CTNND1: variants seen among roughly 807,000 people sequenced by gnomAD.
CTNND1 encodes the protein catenin delta 1, also known as catenin delta-1.
CTNND1 carries 16 observed loss-of-function variants against 112.1 expected under a neutral mutation model. The observed-to-expected ratio is 0.14, with a 90% CI of 0.10 to 0.22. CTNND1 has a LOEUF of 0.22. CTNND1 is among the 10% of genes least tolerant of loss of function. The pLI, the probability that CTNND1 is intolerant of heterozygous loss-of-function variation, is 1.00. For synonymous variants in CTNND1, 420 were observed against 446.5 expected (o/e 0.94, Z 0.75); for missense variants, 1,008 against 1,257.0 (o/e 0.80, Z 3.00).
intron 6 of CTNND1, 73 bp from the exon 7 acceptor site, chr11:57,801,660 G>A: frequency 8.1e-7 from 1 of 1,237,514 alleles, no homozygotes; most frequent in Admixed American, 2.0e-5. Flanking sequence ...TTGCAGATGA[G>A]GGTAATGGGA....
intron 1 of CTNND1, among the ~76,000 whole-genome samples, chr11:57,775,529 G>A (rs1180959089): frequency 6.6e-6 from 1 of 152,158 alleles, no homozygotes; most frequent in Non-Finnish European, 1.5e-5. Context: ...TGGTATGGAG[G>A]ACTCGCCTAT....
chr11:57,762,647 G>A (rs1043717323), intron 1 of CTNND1, among the ~76,000 whole-genome samples: 3 of 152,158 alleles, frequency 2.0e-5, no homozygotes, highest in African/African-American at 7.2e-5. Context: ...GTTCCTGGGT[G>A]GATCCCTCTT....
intron 1 of CTNND1, among the ~76,000 whole-genome samples, chr11:57,762,809 A>C (rs2135796255): frequency 6.6e-6 from 1 of 152,264 alleles, no homozygotes; most frequent in South Asian, 2.1e-4. Flanking sequence ...AGATTTGTGG[A>C]GGTGTTTGTT....
At chr11:57,799,059 C>T (rs985330772) in intron 6 of CTNND1, among the ~76,000 whole-genome samples, 2 of 152,120 alleles carry the variant, frequency 1.3e-5, no homozygotes, top group Non-Finnish European at 2.9e-5. Context: ...GCTCATTTTC[C>T]TCATATATTA....
chr11:57,772,413 T>C (rs1952911789), intron 1 of CTNND1, among the ~76,000 whole-genome samples: 2 of 152,188 alleles, frequency 1.3e-5, no homozygotes, highest in Admixed American at 1.3e-4. Flanking sequence ...CTGCTGCTTC[T>C]CCTTTTGCTC....
rs781016455 is a variant in CTNND1, at chr11:57,808,333, A to G, written c.2091+41A>G. The G allele has an allele frequency of 1.3e-5, 20 of 1,599,342 alleles. No individual in the cohort carries two copies. In the South Asian group the frequency reaches 2.1e-4, roughly 17 times the overall value. On this transcript the variant is annotated intron_variant, in intron 13 of 20. Transcript: ENST00000399050. The stretch of plus-strand genomic sequence containing the variant: ...GGGATTTGGAGATGGGAAAACTTAG[A>G]TAACTAGTTTGCTGCCATTTGTAAT...
At chr11:57,812,880 T>G (rs777870410) in intron 17 of CTNND1, among the ~76,000 whole-genome samples, 2 of 152,222 alleles carry the variant, frequency 1.3e-5, no homozygotes, top group Non-Finnish European at 2.9e-5. Flanking sequence ...TATTCAGATG[T>G]GCGCATTTGG....
At chr11:57,779,157 AG>A (rs1272368346) in intron 1 of CTNND1, among the ~76,000 whole-genome samples, 1 of 152,216 alleles carries the variant, frequency 6.6e-6, no homozygotes, top group Admixed American at 6.5e-5. Context: ...AAGGGACAGA[AG>A]GAAACAGGTA....
intron 2 of CTNND1, among the ~76,000 whole-genome samples, 159 bp from the exon 3 acceptor site, chr11:57,791,226 T>G (rs2060705708): frequency 6.6e-6 from 1 of 152,246 alleles, no homozygotes; most frequent in African/African-American, 2.4e-5. Context: ...GGATTCCGCT[T>G]GAACAGACAC....
At position 57,814,186 on chromosome 11, in the gene CTNND1, A is replaced by T. The variant is rs376326184; in HGVS notation, c.2639-125A>T. The T allele has an allele frequency of 3.1e-5, 21 of 685,652 alleles. No homozygotes were observed. In the East Asian group the frequency reaches 4.1e-4, roughly 13 times the overall value. The allele number at this position is 685,652 out of a possible 1,614,324, so 42.5% of individuals were successfully genotyped here. Reference sequence around the variant, plus strand: ...AAAAATTATCCAGGCATTGTGATGCACATAGTTGGTGCTAAGTAGAAGTGT... The same window carrying T: ...AAAAATTATCCAGGCATTGTGATGCTCATAGTTGGTGCTAAGTAGAAGTGT... On this transcript the variant is annotated intron_variant, in intron 17 of 20. Coordinates refer to ENST00000399050, the MANE Select transcript of CTNND1 (RefSeq NM_001085458.2).
Position 57,794,842 on chromosome 11 carries a change from T to G in CTNND1, c.268-735T>G, listed in dbSNP as rs537742555. Among the ~76,000 whole-genome samples the G allele has an allele frequency of 1.6e-3, 214 of 135,624 alleles. No homozygotes were observed. In the Middle Eastern group the frequency reaches 0.036, roughly 23 times the overall value. 89.0% of individuals were successfully genotyped at this position (135,624 alleles called of 152,430 possible). On this transcript the variant is annotated intron_variant, in intron 4 of 20. Coordinates refer to ENST00000399050, the MANE Select transcript of CTNND1 (RefSeq NM_001085458.2). ...TGGGCACGGTGTCTCATGCCTGTAA[T>G]CCAACACTTTGGGAGGCCAAGGCAG...
Position 57,804,694 on chromosome 11 carries a change from C to A in CTNND1, c.1636C>A (p.Arg546=). Residue 546 remains arginine, a synonymous_variant, in exon 9 of 21, where the codon CGG becomes AGG. Coordinates refer to ENST00000399050, the MANE Select transcript of CTNND1 (RefSeq NM_001085458.2). ...NVSSERSEAR[R]KLRECDGLVD... is the part of the protein sequence containing the mutation. ...AAGCTCAGAGAGGAGTGAAGCTCGC[C>A]GGAAACTTCGGGAATGTGATGGTTT... 2 of 1,613,832 alleles carry A rather than the reference C, an allele frequency of 1.2e-6. No individual in the cohort carries two copies. The highest frequency in any genetic ancestry group is 1.7e-6 in the Non-Finnish European group (2 of 1,179,826).
rs1310068040 is a variant in CTNND1, at chr11:57,808,152, C to G, written c.1964-13C>G. The G allele has an allele frequency of 1.0e-5, 16 of 1,602,672 alleles. No homozygotes were observed. The highest frequency in any genetic ancestry group is 1.4e-5 in the Non-Finnish European group (16 of 1,171,072). ...TGATTAGCACCCTCTGCTTCTATTT[C>G]TCTTTTGTGCAGGCTATGAGCTCTT... is the stretch of plus-strand genomic sequence containing the variant. On this transcript the variant is annotated splice_polypyrimidine_tract_variant and intron_variant, in intron 12 of 20. Transcript: ENST00000399050.
At chr11:57,810,447 GCCTCCC>G (rs1329070297) in intron 16 of CTNND1, among the ~76,000 whole-genome samples, 23 of 151,864 alleles carry the variant, frequency 1.5e-4, no homozygotes, top group Admixed American at 1.4e-3. Context: ...TTGTGCCTCA[GCCTCCC>G]CAGTAGCTGG....
At chr11:57,794,158 T>G in intron 4 of CTNND1, 77 bp downstream of exon 4, 1 of 1,289,326 alleles carries the variant, frequency 7.8e-7, no homozygotes, top group Non-Finnish European at 1.1e-6. Context: ...CATATTTGTG[T>G]CTTGTAAGGT....
intron 11 of CTNND1, chr11:57,806,685 G>A (rs2062709799): frequency 3.1e-6 from 2 of 635,288 alleles, no homozygotes; most frequent in South Asian, 3.9e-5. Flanking sequence ...CAGAACTCAG[G>A]ACAATAGCAT....
In CTNND1 at chr11:57,818,008, G is replaced by A. The variant is rs979032119; in HGVS notation, c.*1700G>A. On this transcript the variant is annotated 3_prime_UTR_variant, in exon 21 of 21. Coordinates refer to ENST00000399050, the MANE Select transcript of CTNND1 (RefSeq NM_001085458.2). ...GCACAACCCACCACCCCCTTTACTC[G>A]TGCATTAAAATTTCTTATTTACCCT... 2.0e-5 allele frequency: 3 copies of A among 152,210 alleles called. No individual in the cohort carries two copies. Among genetic ancestry groups the A allele is most frequent in the Non-Finnish European group, 2.9e-5 (2 of 67,980 alleles). 9.4% of individuals were successfully genotyped at this position (152,210 alleles called of 1,614,324 possible).
At chr11:57,780,056 C>T (rs1196657119) in intron 1 of CTNND1, among the ~76,000 whole-genome samples, 6 of 31,766 alleles carry the variant, frequency 1.9e-4, no homozygotes, top group Non-Finnish European at 1.8e-4. Context: ...ACTAGAATGA[C>T]TTTTTTTTTT....
chr11:57,815,084 C>T (rs144803495), intron 18 of CTNND1, among the ~76,000 whole-genome samples: 111 of 152,228 alleles, frequency 7.3e-4, no homozygotes, highest in African/African-American at 2.6e-3. Context: ...TACACCATCA[C>T]ACCTGGCTTA....
Sources: gnomAD v4.1 joint callset for allele counts (sites outside exome capture counted in the v4.1 genomes callset) on GRCh38, gnomAD v4.1.1 for gene constraint, MANE v1.5 for transcripts, NCBI Gene and HGNC (gene_info 2026-07-23, HGNC 2026-07-21) for gene names.